The following AVEN variants were observed in gnomAD, a reference collection of about 807,000 sequenced individuals.
AVEN encodes cell death regulator Aven.
In AVEN, 41 loss-of-function variants were observed where a neutral mutation model predicts 38.1. The observed-to-expected ratio is 1.08, with a 90% CI of 0.84 to 1.40. AVEN has a LOEUF of 1.40. AVEN is among the 40% of genes most tolerant of loss of function. The pLI, the probability that AVEN is intolerant of heterozygous loss-of-function variation, is 0.00. For missense variants in AVEN, 605 were observed against 438.8 expected (o/e 1.38, Z -3.38); for synonymous variants, 206 against 171.8 (o/e 1.20, Z -1.56).
intron 1 of AVEN, among the ~76,000 whole-genome samples, chr15:34,073,782 A>G (rs748172799): frequency 1.2e-4 from 18 of 151,564 alleles, no homozygotes; most frequent in Non-Finnish European, 2.5e-4. Flanking sequence ...CGGCCTCCCA[A>G]AGTGTTGGGA....
At chr15:34,017,475 T>C (rs967068309) in intron 1 of AVEN, among the ~76,000 whole-genome samples, 1 of 35,282 alleles carries the variant, frequency 2.8e-5, no homozygotes, top group Admixed American at 5.6e-4. Context: ...TCAGTATGAT[T>C]TTTTTTTTGT....
chr15:34,049,404 A>G (rs1012218904), intron 5 of AVEN, among the ~76,000 whole-genome samples: 4 of 152,246 alleles, frequency 2.6e-5, no homozygotes, highest in African/African-American at 9.6e-5. Context: ...GAACTTTACA[A>G]TGCAATCACA....
At chr15:34,021,911 A>G (rs949035606) in intron 1 of AVEN, among the ~76,000 whole-genome samples, 2 of 152,216 alleles carry the variant, frequency 1.3e-5, no homozygotes, top group African/African-American at 2.4e-5. Flanking sequence ...CAACATTAAC[A>G]TGAAAAAGAA....
rs956343032 is a variant in AVEN at position 33,964,784 on chromosome 15, T to C, written c.445+38248A>G. Among the ~76,000 whole-genome samples, 6 of 152,186 alleles carry C rather than the reference T, an allele frequency of 3.9e-5. No homozygotes were observed. In the East Asian group the frequency reaches 1.2e-3, roughly 29 times the overall value. On this transcript the variant is annotated intron_variant, in intron 2 of 5. Transcript: ENST00000306730. ...CAAGAAGAACACATTCCCTATATAT[T>C]AAAGACAGTCAACTCTCCAGGTTAT...
At chr15:33,960,412 CTG>C (rs1043237777) in intron 2 of AVEN, among the ~76,000 whole-genome samples, 17 of 147,716 alleles carry the variant, frequency 1.2e-4, no homozygotes, top group African/African-American at 4.2e-4. Context: ...GGAAGAGAGT[CTG>C]TGTCTCGTGT....
At chr15:33,859,513 A>C in intron 11 of AVEN, 1 of 1,575,572 alleles carries the variant, frequency 6.3e-7, no homozygotes, top group Non-Finnish European at 8.7e-7. Context: ...GAATGATCTG[A>C]GCATCTTGCT....
At chr15:34,002,259 T>C (rs1297659438) in intron 2 of AVEN, among the ~76,000 whole-genome samples, 1 of 152,244 alleles carries the variant, frequency 6.6e-6, no homozygotes, top group Admixed American at 6.5e-5. Flanking sequence ...GCAGTCAAGA[T>C]ACTAATCAGT....
intron 2 of AVEN, among the ~76,000 whole-genome samples, chr15:33,902,968 G>A (rs556838817): frequency 2.0e-5 from 3 of 152,190 alleles, no homozygotes; most frequent in East Asian, 1.9e-4. Context: ...CCATCTAATG[G>A]AGCCACTTGT....
In AVEN at chr15:34,064,255, G is replaced by A. The variant is rs367778274; in HGVS notation, n.1127-823C>T. 1.9e-5 allele frequency: 31 copies of A among 1,613,934 alleles called. No individual in the cohort carries two copies. Among genetic ancestry groups the A allele is most frequent in the East Asian group, 1.3e-4 (6 of 44,884 alleles). On this transcript the variant is annotated intron_variant and non_coding_transcript_variant, in intron 4 of 11. Coordinates refer to the AVEN transcript ENST00000675287. ...ACCTTTAAGATGCTGCTTCTCTGCC[G>A]ATGGAAAAAGAAAAAAGTGGAAGAG... is the stretch of plus-strand genomic sequence containing the variant.
downstream of AVEN, chr15:33,854,637 C>G (rs1488457833): frequency 1.4e-5 from 17 of 1,254,250 alleles, no homozygotes; most frequent in African/African-American, 6.0e-5. Context: ...GATCTTGGGC[C>G]AGCTCACAGC....
At chr15:33,865,555 ATGAAATCTCGAATGTGTAATACC>A (rs1282771286), downstream of AVEN, 1 of 245,670 alleles carries the variant, frequency 4.1e-6, no homozygotes, top group African/African-American at 2.2e-5. Context: ...CTAGAGAAGT[ATGAAATCTCGAATGTGTAATACC>A]TGAAAATTTA....
At chr15:33,985,510 T>C (rs1222806616) in intron 2 of AVEN, among the ~76,000 whole-genome samples, 1 of 149,314 alleles carries the variant, frequency 6.7e-6, no homozygotes, top group Non-Finnish European at 1.5e-5. Flanking sequence ...TCAGGGTTGC[T>C]TGCTGGAAAC....
At chr15:33,893,434 C>T (rs998309597) in intron 2 of AVEN, among the ~76,000 whole-genome samples, 2 of 152,068 alleles carry the variant, frequency 1.3e-5, no homozygotes, top group East Asian at 1.9e-4. Context: ...ATTTGCAGGG[C>T]GTGGTGGCTC....
chr15:34,033,411 C>A (rs1342328056), intron 1 of AVEN, among the ~76,000 whole-genome samples: 1 of 151,212 alleles, frequency 6.6e-6, no homozygotes, highest in South Asian at 2.1e-4. Context: ...GAGGCTGAGG[C>A]AGGAGAATTG....
At chr15:33,882,561 TAA>T (rs35267268) in intron 2 of AVEN, among the ~76,000 whole-genome samples, 4 of 149,116 alleles carry the variant, frequency 2.7e-5, no homozygotes, top group African/African-American at 7.4e-5. Flanking sequence ...GCAAAAATGT[TAA>T]AAAAAAAAAA....
At chr15:34,039,911 T>C (rs933883069), upstream of AVEN, among the ~76,000 whole-genome samples, 12 of 152,288 alleles carry the variant, frequency 7.9e-5, no homozygotes, top group African/African-American at 2.9e-4. Context: ...TCCAGTCCCT[T>C]CTTTCAACCA....
chr15:34,028,349 G>GAGTTCGAGACC (rs1898597526), intron 1 of AVEN, among the ~76,000 whole-genome samples: 1 of 152,132 alleles, frequency 6.6e-6, no homozygotes, highest in Non-Finnish European at 1.5e-5. Context: ...TGGTTCACTT[G>GAGTTCGAGACC]AGCCCAGGAG....
intron 2 of AVEN, among the ~76,000 whole-genome samples, chr15:33,904,040 T>C (rs1410174055): frequency 2.0e-5 from 3 of 152,310 alleles, no homozygotes; most frequent in Non-Finnish European, 4.4e-5. Flanking sequence ...GGTATTAAAA[T>C]TTTATGGGAC....
At chr15:34,011,288 AT>A (rs745943660) in intron 1 of AVEN, among the ~76,000 whole-genome samples, 4 of 152,342 alleles carry the variant, frequency 2.6e-5, no homozygotes, top group Non-Finnish European at 5.9e-5. Flanking sequence ...TGAAATTTCA[AT>A]AAAACATTGA....
Sources: allele counts gnomAD v4.1 joint callset (sites outside exome capture counted in the v4.1 genomes callset), GRCh38; gene constraint gnomAD v4.1.1; transcripts MANE v1.5; gene names NCBI Gene and HGNC (gene_info 2026-07-23, HGNC 2026-07-21).